Variants in NRXN3 observed in about 807,000 individuals in gnomAD.
NRXN3 encodes the protein neurexin 3, also known as neurexin III.
A neutral mutation model predicts 137.6 loss-of-function variants in NRXN3; 32 were observed. The observed-to-expected ratio is 0.23, with a 90% CI of 0.18 to 0.31. The LOEUF (loss-of-function observed/expected upper bound fraction) is 0.31. Among genes scored for constraint, NRXN3 ranks in the 10% least tolerant of loss-of-function variants. NRXN3 has a pLI of 1.00. For synonymous variants in NRXN3, 798 were observed against 784.5 expected (o/e 1.02, Z -0.29); for missense variants, 1,574 against 2,062.5 (o/e 0.76, Z 4.59).
chr14:78,739,105 C>T lies in NRXN3; in HGVS notation c.2044+23966C>T, dbSNP rs146113257. On this transcript the variant is annotated intron_variant, in intron 8 of 20. Transcript: ENST00000335750. ...ATAAGTTCTCCATCACACATTCTCA[C>T]CTCTTCCATTTGAGTCTGGATTAAC... Among the ~76,000 whole-genome samples, 694 of 152,352 alleles carry T rather than the reference C, an allele frequency of 4.6e-3. 10 individuals are homozygous for T. The highest frequency in any genetic ancestry group is 0.016 in the African/African-American group (669 of 41,582).
At chr14:78,720,371 T>G (rs1330784435) in intron 8 of NRXN3, among the ~76,000 whole-genome samples, 3 of 152,204 alleles carry the variant, frequency 2.0e-5, no homozygotes, top group Non-Finnish European at 4.4e-5. Flanking sequence ...AGGTTGAAAT[T>G]CTTGAATATA....
chr14:78,568,506 T>C (rs1374984081), intron 4 of NRXN3, among the ~76,000 whole-genome samples: 6 of 152,220 alleles, frequency 3.9e-5, no homozygotes, highest in Non-Finnish European at 7.3e-5. Flanking sequence ...ATATCCAGTT[T>C]ATAGCTGGAA....
chr14:78,558,666 A>G (rs1315648832), intron 4 of NRXN3, among the ~76,000 whole-genome samples: 3 of 152,166 alleles, frequency 2.0e-5, no homozygotes, highest in African/African-American at 7.2e-5. Context: ...AATCTGTTGG[A>G]TGCAGGGAAA....
intron 19 of NRXN3, among the ~76,000 whole-genome samples, chr14:79,769,476 C>T (rs2099069000): frequency 6.6e-6 from 1 of 152,112 alleles, no homozygotes; most frequent in African/African-American, 2.4e-5. Context: ...ATTCAACATT[C>T]TTAAAGAAAA....
At chr14:79,787,298 C>T (rs8016886) in intron 19 of NRXN3, among the ~76,000 whole-genome samples, 55,531 of 151,850 alleles carry the variant, frequency 0.37, 10,514 homozygotes, top group Admixed American at 0.43. Context: ...TATATAGGTA[C>T]GACGTGATGT....
chr14:79,581,196 C>A (rs2153810753), intron 16 of NRXN3, among the ~76,000 whole-genome samples: 1 of 152,244 alleles, frequency 6.6e-6, no homozygotes, highest in East Asian at 1.9e-4. Flanking sequence ...CGAGCCTTTG[C>A]AAATTCCTGA....
chr14:79,668,619 T>C (rs908344776), intron 17 of NRXN3, among the ~76,000 whole-genome samples: 6 of 152,114 alleles, frequency 3.9e-5, no homozygotes, highest in Non-Finnish European at 7.4e-5. Context: ...CAAATGGAAA[T>C]CTCTGCCTGG....
At chr14:79,517,101 C>CT (rs557167110) in intron 16 of NRXN3, among the ~76,000 whole-genome samples, 2 of 150,478 alleles carry the variant, frequency 1.3e-5, no homozygotes, top group South Asian at 2.1e-4. Context: ...AGCCCCCCCC[C>CT]CCTCAACGAA....
intron 16 of NRXN3, among the ~76,000 whole-genome samples, chr14:79,605,104 T>C (rs1034513377): frequency 6.6e-6 from 1 of 152,194 alleles, no homozygotes; most frequent in African/African-American, 2.4e-5. Flanking sequence ...AGCTACACCA[T>C]CAATCTTTCC....
chr14:78,250,802 C>T (rs2068495863), intron 2 of NRXN3, among the ~76,000 whole-genome samples: 1 of 152,174 alleles, frequency 6.6e-6, no homozygotes, highest in Non-Finnish European at 1.5e-5. Context: ...TGCTTCTGGG[C>T]TCCCTCAATA....
intron 3 of NRXN3, among the ~76,000 whole-genome samples, chr14:78,288,438 C>T (rs1363187348): frequency 3.9e-5 from 6 of 152,186 alleles, no homozygotes; most frequent in Non-Finnish European, 7.4e-5. Flanking sequence ...GCCCATTTCT[C>T]TCCCTTTCCT....
At chr14:78,519,706 G>A (rs188440940) in intron 4 of NRXN3, among the ~76,000 whole-genome samples, 1 of 151,442 alleles carries the variant, frequency 6.6e-6, no homozygotes, top group East Asian at 2.0e-4. Flanking sequence ...TAAGATGATT[G>A]GGAGCATTCA....
intron 1 of NRXN3, among the ~76,000 whole-genome samples, chr14:78,204,300 G>A (rs1190483479): frequency 6.6e-6 from 1 of 151,758 alleles, no homozygotes; most frequent in Non-Finnish European, 1.5e-5. Context: ...GAAAGAGCAC[G>A]AGCATGTATG....
chr14:79,026,949 T>TATATATATATATATATATATATATAACTA (rs2099599109), intron 15 of NRXN3, among the ~76,000 whole-genome samples: 5 of 53,618 alleles, frequency 9.3e-5, no homozygotes, highest in African/African-American at 3.7e-4. Flanking sequence ...CTATTATAAT[T>TATATATATATATATATATATATATAACTA]TTATATATAT....
intron 4 of NRXN3, among the ~76,000 whole-genome samples, chr14:78,460,552 G>A (rs1025572746): frequency 6.6e-6 from 1 of 152,200 alleles, no homozygotes; most frequent in African/African-American, 2.4e-5. Context: ...AAATGTTGGG[G>A]TGGAGAGTGA....
At chr14:79,505,400 A>T (rs929854582) in intron 16 of NRXN3, among the ~76,000 whole-genome samples, 1 of 149,316 alleles carries the variant, frequency 6.7e-6, no homozygotes, top group Admixed American at 6.6e-5. Context: ...CATGTCTTCC[A>T]AAAGCTTCCT....
intron 4 of NRXN3, among the ~76,000 whole-genome samples, chr14:78,311,221 C>T (rs1196727139): frequency 1.3e-5 from 2 of 152,100 alleles, no homozygotes; most frequent in African/African-American, 2.4e-5. Context: ...TGATTTTGTT[C>T]GTCTTGGTAT....
chr14:79,061,957 T>C (rs2099674816), intron 15 of NRXN3, among the ~76,000 whole-genome samples: 1 of 152,222 alleles, frequency 6.6e-6, no homozygotes, highest in African/African-American at 2.4e-5. Flanking sequence ...TTCTGAGTTT[T>C]CTCTGTCTGG....
At chr14:79,486,822 A>G (rs996659500) in intron 16 of NRXN3, among the ~76,000 whole-genome samples, 1 of 151,962 alleles carries the variant, frequency 6.6e-6, no homozygotes, top group Middle Eastern at 3.2e-3. Flanking sequence ...AGGGTGAATC[A>G]ATTTCCAATC....
Sources: allele counts gnomAD v4.1 joint callset (sites outside exome capture counted in the v4.1 genomes callset), GRCh38; gene constraint gnomAD v4.1.1; transcripts MANE v1.5; gene names NCBI Gene and HGNC (gene_info 2026-07-23, HGNC 2026-07-21).